Variants in ALDH1L2 observed in about 807,000 individuals in gnomAD.
The protein encoded by ALDH1L2 is mitochondrial 10-formyltetrahydrofolate dehydrogenase.
Under a neutral mutation model 111.0 loss-of-function variants are expected in ALDH1L2, and 91 were observed. The ratio of observed to expected loss-of-function variants is 0.82; its 90% confidence interval spans 0.69 to 0.98. The LOEUF is 0.98. ALDH1L2 is among the 50% of genes least tolerant of loss of function. ALDH1L2 has a pLI of 0.00. For synonymous variants in ALDH1L2, 374 were observed against 392.6 expected, an observed-to-expected ratio of 0.95 and a Z score of 0.56; for missense variants, 995 against 1,126.8, an observed-to-expected ratio of 0.88 and a Z score of 1.67.
In ALDH1L2 at chr12:105,022,932, G is replaced by T. The variant is rs1874228520; in HGVS notation, c.*1492C>A. 6.6e-6 allele frequency: 1 copy of T among 152,146 alleles called. No individual in the cohort carries two copies. Among genetic ancestry groups the T allele is most frequent in the Non-Finnish European group, 1.5e-5 (1 of 68,040 alleles). The allele number at this position is 152,146 out of a possible 1,614,324, so 9.4% of individuals were successfully genotyped here. ...TGTTTACTGAAATTTTATTTTTAAA[G>T]GAGGATTAATAGAATTTAACTTTCT... is the stretch of plus-strand genomic sequence containing the variant. On this transcript the variant is annotated 3_prime_UTR_variant, in exon 23 of 23. Transcript: ENST00000258494.
At chr12:105,040,989 T>C (rs1040976066) in intron 15 of ALDH1L2, among the ~76,000 whole-genome samples, 1 of 152,248 alleles carries the variant, frequency 6.6e-6, no homozygotes, top group Non-Finnish European at 1.5e-5. Flanking sequence ...TATCTGTTTC[T>C]GAACTGTTTA....
Position 105,050,021 on chromosome 12 carries a change from C to A in ALDH1L2, c.1573G>T (p.Ala525Ser). ...DLLEENQEELATIEALDSGAV... is the reference protein window; with the variant it reads ...DLLEENQEELSTIEALDSGAV... ...CCTGAATCAAGGGCTTCAATAGTTGCCAGCTCTTCTTGGTTCTCTTCCAGT... is the reference window on the plus strand; with the variant it reads ...CCTGAATCAAGGGCTTCAATAGTTGACAGCTCTTCTTGGTTCTCTTCCAGT... The change falls in exon 13 of 23, where the codon GCA becomes TCA. Residue 525 changes from alanine (A) to serine (S), a missense_variant. Coordinates refer to ENST00000258494, the MANE Select transcript of ALDH1L2 (RefSeq NM_001034173.4). 6.2e-7 allele frequency: 1 copy of A among 1,607,412 alleles called. No homozygotes were observed. Among genetic ancestry groups the A allele is most frequent in the Non-Finnish European group, 8.5e-7 (1 of 1,176,580 alleles).
intron 15 of ALDH1L2, among the ~76,000 whole-genome samples, chr12:105,044,392 T>G (rs1464322661): frequency 2.0e-5 from 3 of 151,742 alleles, no homozygotes; most frequent in Non-Finnish European, 4.4e-5. Flanking sequence ...TCAGACCAAT[T>G]AAATCAGATC....
At chr12:105,041,897 G>A (rs983908991) in intron 15 of ALDH1L2, among the ~76,000 whole-genome samples, 8 of 152,060 alleles carry the variant, frequency 5.3e-5, no homozygotes, top group African/African-American at 1.4e-4. Context: ...TTGCTTTCAG[G>A]CCCAACAAGA....
intron 9 of ALDH1L2, among the ~76,000 whole-genome samples, chr12:105,058,615 A>G (rs1428116802): frequency 6.6e-6 from 1 of 152,180 alleles, no homozygotes; most frequent in Non-Finnish European, 1.5e-5. Context: ...ATTGTAGACT[A>G]TTTTCTCTAA....
chr12:105,074,631 G>A (rs1367159516), intron 1 of ALDH1L2, among the ~76,000 whole-genome samples: 2 of 152,072 alleles, frequency 1.3e-5, no homozygotes, highest in African/African-American at 4.8e-5. Flanking sequence ...AACTTAGGAT[G>A]TTTATCCCCC....
Position 105,068,790 on chromosome 12 carries a change from C to A in ALDH1L2, c.523G>T (p.Asp175Tyr). Residue 175 changes from aspartate (D) to tyrosine (Y), a missense_variant, in exon 4 of 23, where the codon GAT (aspartate) becomes TAT (tyrosine). Physicochemically the swap from Asp to Tyr is radical, Grantham distance 160 (BLOSUM62 -3). Transcript: ENST00000258494. The stretch of plus-strand genomic sequence containing the variant: ...TCCACTGTATCATTGGGTTCAACAT[C>A]ACATGATCTCTGAAGAAGGATGGGT... The part of the protein sequence containing the change: ...TGPILLQRSC[D>Y]VEPNDTVDAL... 1 of 1,609,462 alleles carries A rather than the reference C, an allele frequency of 6.2e-7. No homozygotes were observed. Among genetic ancestry groups the A allele is most frequent in the Non-Finnish European group, 8.5e-7 (1 of 1,177,980 alleles).
At chr12:105,053,639 T>C (rs1876432110) in intron 10 of ALDH1L2, among the ~76,000 whole-genome samples, 1 of 152,202 alleles carries the variant, frequency 6.6e-6, no homozygotes, top group Non-Finnish European at 1.5e-5. Flanking sequence ...CAAGAAGGTC[T>C]CTTGCCTTTT....
At chr12:105,047,047 C>G in intron 13 of ALDH1L2, 78 bp from the exon 14 acceptor site, 1 of 1,488,950 alleles carries the variant, frequency 6.7e-7, no homozygotes, top group Non-Finnish European at 9.3e-7. Flanking sequence ...CATTTTCTGT[C>G]TTCCTCTCTT....
chr12:105,025,354 A>T (rs1428741111), intron 22 of ALDH1L2, among the ~76,000 whole-genome samples: 2 of 152,200 alleles, frequency 1.3e-5, no homozygotes, highest in Non-Finnish European at 1.5e-5. Flanking sequence ...AAGGGGTTTT[A>T]AAATTGGGGG....
At chr12:105,040,263 A>C (rs1316990229) in intron 16 of ALDH1L2, among the ~76,000 whole-genome samples, 2 of 152,116 alleles carry the variant, frequency 1.3e-5, no homozygotes, top group Non-Finnish European at 1.5e-5. Flanking sequence ...AAACTGATAA[A>C]AGTCTGAAAT....
At chr12:105,075,082 A>C (rs1437674640) in intron 1 of ALDH1L2, among the ~76,000 whole-genome samples, 1 of 152,232 alleles carries the variant, frequency 6.6e-6, no homozygotes, top group Admixed American at 6.5e-5. Context: ...CTTGAAATAG[A>C]ATCTACATGT....
chr12:105,069,665 A>G (rs567631279), intron 3 of ALDH1L2, among the ~76,000 whole-genome samples: 13 of 152,360 alleles, frequency 8.5e-5, no homozygotes, highest in African/African-American at 2.9e-4. Flanking sequence ...AATACAATTA[A>G]TATTTTTCAT....
chr12:105,068,870 C>T lies in ALDH1L2; in HGVS notation c.443G>A (p.Gly148Glu). ...ASAINWTLIM[G>E]DKKAGFSVFW... ...AACAGAAAACCCAGCTTTCTTATCT[C>T]CCATAATTAGAGTCCTGTGAAAAGA... The change falls in exon 4 of 23, where the codon GGA (glycine) becomes GAA (glutamate). Residue 148 changes from glycine to glutamate, a missense_variant. Coordinates refer to ENST00000258494, the MANE Select transcript of ALDH1L2 (RefSeq NM_001034173.4). 6.4e-7 allele frequency: 1 copy of T among 1,569,428 alleles called. No homozygotes were observed. Among genetic ancestry groups the T allele is most frequent in the Non-Finnish European group, 8.6e-7 (1 of 1,162,896 alleles).
At chr12:105,032,018 T>C in intron 19 of ALDH1L2, 84 bp from the exon 20 acceptor site, 2 of 1,405,816 alleles carry the variant, frequency 1.4e-6, no homozygotes, top group Non-Finnish European at 1.9e-6. Context: ...TATACTAAGG[T>C]GTTTATAGAT....
In ALDH1L2 at chr12:105,038,130, G is replaced by A; in HGVS notation, c.2118C>T (p.Asp706=). ...GGKSPLIIFN[D]CELDKAVRMG... Reference sequence around the variant, plus strand: ...TTCGCACAGCCTTGTCAAGTTCACAGTCATTAAATATTATAAGTGGAGACT... The same window carrying A: ...TTCGCACAGCCTTGTCAAGTTCACAATCATTAAATATTATAAGTGGAGACT... Residue 706 remains aspartate (D), a synonymous_variant, in exon 18 of 23, where the codon GAC becomes GAT. Transcript: ENST00000258494. 1.2e-6 allele frequency: 2 copies of A among 1,613,676 alleles called. No individual in the cohort carries two copies. The highest frequency in any genetic ancestry group is 1.7e-6 in the Non-Finnish European group (2 of 1,179,788).
chr12:105,054,992 CAA>C (rs1449646646), intron 10 of ALDH1L2, among the ~76,000 whole-genome samples: 1 of 152,112 alleles, frequency 6.6e-6, no homozygotes, highest in Admixed American at 6.5e-5. Flanking sequence ...GACCAAAAAA[CAA>C]GAGGAATAAC....
chr12:105,070,124 A>G (rs1267844383), intron 3 of ALDH1L2, among the ~76,000 whole-genome samples: 1 of 152,218 alleles, frequency 6.6e-6, no homozygotes, highest in Non-Finnish European at 1.5e-5. Flanking sequence ...TAATAGCTCA[A>G]ATGAATCCTG....
At chr12:105,039,621 A>T (rs533820411) in intron 17 of ALDH1L2, 92 bp downstream of exon 17, 6 of 934,978 alleles carry the variant, frequency 6.4e-6, no homozygotes, top group East Asian at 2.4e-5. Context: ...AAGTTGATGT[A>T]GTTTTTCTCA....
Sources: gnomAD v4.1 joint callset for allele counts (sites outside exome capture counted in the v4.1 genomes callset) on GRCh38, gnomAD v4.1.1 for gene constraint, MANE v1.5 for transcripts, NCBI Gene and HGNC (gene_info 2026-07-23, HGNC 2026-07-21) for gene names.